The following AUTS2 variants were observed in gnomAD, a reference collection of about 807,000 sequenced individuals.
The protein encoded by AUTS2 is activator of transcription and developmental regulator AUTS2.
AUTS2 carries 17 observed loss-of-function variants against 112.4 expected under a neutral mutation model. The observed-to-expected ratio is 0.15, with a 90% CI of 0.10 to 0.23. The LOEUF is 0.23. Among genes scored for constraint, AUTS2 ranks in the 10% least tolerant of loss-of-function variants. The probability of loss-of-function intolerance (pLI) is 1.00; values close to 1 mark genes in which losing one functional copy is unlikely to be tolerated. For missense variants in AUTS2, 1,510 were observed against 1,701.6 expected, an observed-to-expected ratio of 0.89 and a Z score of 1.98; for synonymous variants, 751 against 702.7, an observed-to-expected ratio of 1.07 and a Z score of -1.09.
At chr7:70,724,485 G>C (rs1481817189) in intron 6 of AUTS2, among the ~76,000 whole-genome samples, 1 of 116,702 alleles carries the variant, frequency 8.6e-6, no homozygotes, top group African/African-American at 3.2e-5. Context: ...TCGCTTTGTC[G>C]CCCAGGCTGG....
At chr7:70,211,182 A>G (rs1002946499) in intron 4 of AUTS2, among the ~76,000 whole-genome samples, 1 of 152,112 alleles carries the variant, frequency 6.6e-6, no homozygotes, top group African/African-American at 2.4e-5. Flanking sequence ...ATGCCAGACC[A>G]TTTTAGCATT....
chr7:70,290,273 A>G (rs888616172), intron 4 of AUTS2: 37 of 1,221,680 alleles, frequency 3.0e-5, no homozygotes, highest in Non-Finnish European at 3.6e-5. Context: ...AAAACAAATT[A>G]CCAATGATGT....
At chr7:70,324,693 T>G (rs1029747135) in intron 4 of AUTS2, among the ~76,000 whole-genome samples, 2 of 152,180 alleles carry the variant, frequency 1.3e-5, no homozygotes, top group Non-Finnish European at 2.9e-5. Flanking sequence ...TTGACAGGTT[T>G]GGTGTGGTCT....
chr7:69,969,620 T>A (rs1797766134), intron 2 of AUTS2, among the ~76,000 whole-genome samples: 2 of 152,156 alleles, frequency 1.3e-5, no homozygotes, highest in Admixed American at 1.3e-4. Flanking sequence ...AGAGAGATAA[T>A]AAGTCTTAGT....
At chr7:69,738,529 T>C (rs1483098132) in intron 1 of AUTS2, among the ~76,000 whole-genome samples, 3 of 152,104 alleles carry the variant, frequency 2.0e-5, no homozygotes, top group Admixed American at 6.6e-5. Context: ...ATTTTTGTGC[T>C]CTCAGGGTAA....
At chr7:69,907,804 AAG>A (rs1247531526) in intron 2 of AUTS2, among the ~76,000 whole-genome samples, 3 of 152,202 alleles carry the variant, frequency 2.0e-5, no homozygotes, top group Admixed American at 2.0e-4. Flanking sequence ...GAGAAGAAGG[AAG>A]AGAGAGGGTG....
chr7:70,064,878 G>A (rs994783681), intron 2 of AUTS2, among the ~76,000 whole-genome samples: 3 of 152,030 alleles, frequency 2.0e-5, no homozygotes, highest in African/African-American at 4.8e-5. Flanking sequence ...TATCTTTCCC[G>A]GTAGTAGGTA....
At chr7:69,991,135 C>T (rs1798726048) in intron 2 of AUTS2, among the ~76,000 whole-genome samples, 1 of 152,198 alleles carries the variant, frequency 6.6e-6, no homozygotes, top group Admixed American at 6.5e-5. Flanking sequence ...GGAAATTCAG[C>T]TCCTTCCAGG....
intron 5 of AUTS2, among the ~76,000 whole-genome samples, chr7:70,511,650 A>G (rs967722837): frequency 1.6e-5 from 2 of 127,594 alleles, no homozygotes; most frequent in Admixed American, 1.1e-4. Context: ...ATCTGGGCTC[A>G]CTGCAATCTC....
intron 5 of AUTS2, among the ~76,000 whole-genome samples, chr7:70,471,185 T>A (rs1797367770): frequency 1.3e-5 from 2 of 152,218 alleles, no homozygotes; most frequent in African/African-American, 4.8e-5. Context: ...AGTAAGTCCC[T>A]TGTCGGATAT....
intron 4 of AUTS2, among the ~76,000 whole-genome samples, chr7:70,216,812 T>C (rs1811189974): frequency 6.6e-6 from 1 of 152,228 alleles, no homozygotes; most frequent in African/African-American, 2.4e-5. Context: ...CCCAGTCTCC[T>C]GCTATTGTTT....
chr7:70,739,841 A>G (rs1007701331), intron 6 of AUTS2, among the ~76,000 whole-genome samples: 5 of 149,932 alleles, frequency 3.3e-5, no homozygotes, highest in African/African-American at 1.2e-4. Context: ...TCCTTACGTT[A>G]GGCTGAAGTC....
rs549610668 is a variant in AUTS2, at chr7:70,329,031, T to C, written c.661-106721T>C. On this transcript the variant is annotated intron_variant, in intron 4 of 18. Transcript: ENST00000342771. ...ATTTATCTATTTTGGAATCATACACTCTGTGACCTTTTTTGTCTGGCTTCT... is the reference window on the plus strand; with the variant it reads ...ATTTATCTATTTTGGAATCATACACCCTGTGACCTTTTTTGTCTGGCTTCT... Among the ~76,000 whole-genome samples the C allele has an allele frequency of 2.0e-5, 3 of 152,330 alleles. No homozygotes were observed. In the South Asian group the frequency reaches 6.2e-4, roughly 32 times the overall value.
At chr7:69,928,154 G>C (rs1426327814) in intron 2 of AUTS2, among the ~76,000 whole-genome samples, 1 of 152,208 alleles carries the variant, frequency 6.6e-6, no homozygotes, top group African/African-American at 2.4e-5. Context: ...GGTAGTCCCA[G>C]TGAGTCCCTG....
chr7:70,374,571 A>C (rs1454773470), intron 4 of AUTS2, among the ~76,000 whole-genome samples: 3 of 152,228 alleles, frequency 2.0e-5, no homozygotes, highest in African/African-American at 7.2e-5. Flanking sequence ...CAGGAAAATA[A>C]GTGTTTAGGC....
chr7:69,702,395 TG>T (rs1410222730), intron 1 of AUTS2, among the ~76,000 whole-genome samples: 1 of 152,204 alleles, frequency 6.6e-6, no homozygotes, highest in African/African-American at 2.4e-5. Context: ...AATGAATGAC[TG>T]ATTTGAAAGG....
chr7:70,555,359 G>A (rs1030315895), intron 5 of AUTS2, among the ~76,000 whole-genome samples: 6 of 152,238 alleles, frequency 3.9e-5, no homozygotes, highest in Non-Finnish European at 7.3e-5. Flanking sequence ...GTGAGTTAAA[G>A]TTAGACAGGT....
chr7:69,792,175 CATTATT>C (rs1789632994), intron 1 of AUTS2, among the ~76,000 whole-genome samples: 1 of 151,674 alleles, frequency 6.6e-6, no homozygotes, highest in African/African-American at 2.4e-5. Context: ...TGAAAGGAAT[CATTATT>C]ATTGTCAGTG....
Position 70,790,656 on chromosome 7 carries a change from G to A in AUTS2, c.3440G>A (p.Gly1147Asp). The A allele has an allele frequency of 1.2e-6, 2 of 1,613,282 alleles. No individual in the cohort carries two copies. Among genetic ancestry groups the A allele is most frequent in the African/African-American group, 1.3e-5 (1 of 75,024 alleles). The change falls in exon 19 of 19, where the codon GGC becomes GAC. Residue 1147 changes from glycine (G) to aspartate (D), a missense_variant. By Grantham distance (94) the Gly-to-Asp change is moderately conservative. Transcript: ENST00000342771. This position sits in a 1 kb window ranked among gnomAD's most constrained non-coding sequence, Gnocchi z 7.6. ...CCTCGGCGGGAGCACGAGCGGGGAGGCCACCTGGACGAGCGGGAGCGCTTG... is the reference window on the plus strand; with the variant it reads ...CCTCGGCGGGAGCACGAGCGGGGAGACCACCTGGACGAGCGGGAGCGCTTG... Reference protein sequence around the residue: ...VDPRREHERGGHLDERERLHM... With the variant: ...VDPRREHERGDHLDERERLHM...
Sources: allele counts gnomAD v4.1 joint callset (sites outside exome capture counted in the v4.1 genomes callset), GRCh38; gene constraint gnomAD v4.1.1; non-coding constraint Gnocchi (gnomAD v3.1); transcripts MANE v1.5; gene names NCBI Gene and HGNC (gene_info 2026-07-23, HGNC 2026-07-21).